Variants in CHRNB3 observed in about 807,000 individuals in gnomAD.
CHRNB3 encodes the protein cholinergic receptor nicotinic beta 3 subunit, also known as neuronal acetylcholine receptor subunit beta-3.
CHRNB3 carries 37 observed loss-of-function variants against 40.6 expected under a neutral mutation model. The observed-to-expected ratio is 0.91, with a 90% CI of 0.70 to 1.20. The LOEUF is 1.20. Ranked by LOEUF, CHRNB3 falls within the 50% of genes most tolerant of loss-of-function variation. The probability of loss-of-function intolerance (pLI) is 0.00; values close to 1 mark genes in which losing one functional copy is unlikely to be tolerated. For synonymous variants in CHRNB3, 207 were observed against 207.1 expected (o/e 1.00, Z 0.00); for missense variants, 505 against 551.2 (o/e 0.92, Z 0.84).
At chr8:42,709,660 A>T (rs1563608514) in intron 2 of CHRNB3, among the ~76,000 whole-genome samples, 1 of 151,928 alleles carries the variant, frequency 6.6e-6, no homozygotes. Context: ...TGAGACAGAG[A>T]CTCTGTTTCA....
At chr8:42,736,441 T>C in intron 5 of CHRNB3, 43 bp from the exon 6 acceptor site, 1 of 1,609,512 alleles carries the variant, frequency 6.2e-7, no homozygotes, top group Non-Finnish European at 8.5e-7. Flanking sequence ...ACAGAACAGT[T>C]GCTCAGTGTC....
chr8:42,727,233 C>A (rs1442361087), intron 3 of CHRNB3, among the ~76,000 whole-genome samples: 1 of 151,750 alleles, frequency 6.6e-6, no homozygotes, highest in African/African-American at 2.4e-5. Flanking sequence ...ATTAGCCGGG[C>A]GTGGTGGCAC....
In CHRNB3 at chr8:42,736,767, T is replaced by A; in HGVS notation, c.*149T>A. 1 of 961,398 alleles carries A rather than the reference T, an allele frequency of 1.0e-6. No homozygotes were observed. Among genetic ancestry groups the A allele is most frequent in the Non-Finnish European group, 1.6e-6 (1 of 635,566 alleles). The allele number at this position is 961,398 out of a possible 1,614,324, so 59.6% of individuals were successfully genotyped here. ...CATCTCCTCATGGGAGAAACTCTGG[T>A]AAATGTGCTCATTTGTGGTTGCCAT... is the stretch of plus-strand genomic sequence containing the variant. On this transcript the variant is annotated 3_prime_UTR_variant, in exon 6 of 6. Coordinates refer to ENST00000289957, the MANE Select transcript of CHRNB3 (RefSeq NM_000749.5).
chr8:42,733,228 G>T (rs1361468962), intron 5 of CHRNB3, among the ~76,000 whole-genome samples: 1 of 151,902 alleles, frequency 6.6e-6, no homozygotes, highest in Non-Finnish European at 1.5e-5. Context: ...TTGGGAGGCT[G>T]AGGCAGGAGG....
chr8:42,701,129 G>T (rs184100539), intron 1 of CHRNB3, among the ~76,000 whole-genome samples: 87 of 146,316 alleles, frequency 5.9e-4, no homozygotes, highest in African/African-American at 2.1e-3. Flanking sequence ...TTGGGAGGCT[G>T]AGGCAGGAGA....
At chr8:42,717,939 T>C (rs1470664012) in intron 3 of CHRNB3, among the ~76,000 whole-genome samples, 2 of 151,440 alleles carry the variant, frequency 1.3e-5, no homozygotes, top group African/African-American at 4.9e-5. Flanking sequence ...TTCAAGTGAT[T>C]CTCCCACCTC....
At chr8:42,721,750 AC>A in intron 3 of CHRNB3, 1 of 152,006 alleles carries the variant, frequency 6.6e-6, no homozygotes, top group East Asian at 1.9e-4. Context: ...ACAAAACAAA[AC>A]AAAACAAAAC....
chr8:42,712,846 C>G (rs1002676969), intron 3 of CHRNB3, among the ~76,000 whole-genome samples: 10 of 149,720 alleles, frequency 6.7e-5, no homozygotes, highest in Non-Finnish European at 5.9e-5. Flanking sequence ...ACACCTCCTT[C>G]CCCCACTGCT....
intron 5 of CHRNB3, 104 bp downstream of exon 5, chr8:42,732,653 G>A (rs4954): frequency 0.93 from 981,419 of 1,053,734 alleles, 458,169 homozygotes; most frequent in Non-Finnish European, 0.95. Context: ...TAAATGTGAC[G>A]TTATATAAGA....
At chr8:42,700,161 C>A (rs1253913786) in intron 1 of CHRNB3, among the ~76,000 whole-genome samples, 3 of 151,840 alleles carry the variant, frequency 2.0e-5, no homozygotes, top group African/African-American at 4.8e-5. Flanking sequence ...CTACAGGTGC[C>A]CACCACCACG....
intron 3 of CHRNB3, among the ~76,000 whole-genome samples, chr8:42,723,882 T>A (rs57645595): frequency 0.61 from 93,027 of 151,994 alleles, 32,962 homozygotes; most frequent in East Asian, 0.8. Flanking sequence ...AGTCAGGAGT[T>A]CAAGACCAGC....
chr8:42,706,889 T>G (rs1586393708), intron 1 of CHRNB3, among the ~76,000 whole-genome samples: 1 of 152,254 alleles, frequency 6.6e-6, no homozygotes, highest in East Asian at 1.9e-4. Context: ...GCCTCCCAAG[T>G]AGCTGGGACT....
chr8:42,708,652 T>G, intron 1 of CHRNB3, 65 bp from the exon 2 acceptor site: 1 of 1,552,204 alleles, frequency 6.4e-7, no homozygotes, highest in Non-Finnish European at 8.8e-7. Flanking sequence ...ACAGGAGCCA[T>G]GGGACACTCA....
At chr8:42,700,488 T>C (rs910592382) in intron 1 of CHRNB3, among the ~76,000 whole-genome samples, 2 of 151,932 alleles carry the variant, frequency 1.3e-5, no homozygotes, top group African/African-American at 4.8e-5. Context: ...CACCTAATTC[T>C]TTTTTATTTT....
chr8:42,703,462 G>A (rs1181684735), intron 1 of CHRNB3, among the ~76,000 whole-genome samples: 288 of 89,520 alleles, frequency 3.2e-3, no homozygotes, highest in East Asian at 8.4e-3. Context: ...ATATATATAT[G>A]TATCCACAAT....
In CHRNB3 at chr8:42,703,606, C is replaced by A. The variant is rs553339598; in HGVS notation, c.53-5111C>A. On this transcript the variant is annotated intron_variant, in intron 1 of 5. Transcript: ENST00000289957. ...GGTCTATGCACAACTTTCCAGGAAT[C>A]CTTTTATTCCATAATACAAAGACCA... Among the ~76,000 whole-genome samples the A allele has an allele frequency of 2.3e-4, 35 of 151,754 alleles. No homozygotes were observed. In the East Asian group the frequency reaches 5.2e-3, roughly 23 times the overall value.
intron 3 of CHRNB3, among the ~76,000 whole-genome samples, chr8:42,720,275 CCA>C (rs1331903910): frequency 1.3e-5 from 2 of 151,740 alleles, no homozygotes; most frequent in African/African-American, 4.9e-5. Context: ...GCCACCATGC[CCA>C]GCTAATTTTT....
intron 3 of CHRNB3, among the ~76,000 whole-genome samples, chr8:42,715,356 T>TAGTA (rs1816081070): frequency 6.6e-6 from 1 of 152,106 alleles, no homozygotes; most frequent in African/African-American, 2.4e-5. Context: ...GAATAGTGAA[T>TAGTA]AGTAGTCCAA....
In CHRNB3 at chr8:42,730,657, G is replaced by A. The variant is rs377712071; in HGVS notation, c.313G>A (p.Val105Ile). The change falls in exon 4 of 6, where the codon GTT becomes ATT. Residue 105 changes from valine (V) to isoleucine (I), a missense_variant. By Grantham distance (29) the Val-to-Ile change is conservative. Transcript: ENST00000289957. ...DDYGGIHSIKVPSESLWLPDI... is the reference protein window; with the variant it reads ...DDYGGIHSIKIPSESLWLPDI... ...TTATGGTGGGATCCATTCCATTAAA[G>A]TTCCATCAGAATCTCTGTGGCTTCC... is the stretch of plus-strand genomic sequence containing the variant. 45 of 1,611,182 alleles carry A rather than the reference G, an allele frequency of 2.8e-5. No homozygotes were observed. The highest frequency in any genetic ancestry group is 3.6e-5 in the Non-Finnish European group (43 of 1,178,246).
Sources: allele counts gnomAD v4.1 joint callset (sites outside exome capture counted in the v4.1 genomes callset), GRCh38; gene constraint gnomAD v4.1.1; transcripts MANE v1.5; gene names NCBI Gene and HGNC (gene_info 2026-07-23, HGNC 2026-07-21).